ANO10: variants seen among roughly 807,000 people sequenced by gnomAD.
The protein encoded by ANO10 is anoctamin 10.
ANO10 carries 77 observed loss-of-function variants against 74.7 expected under a neutral mutation model. The observed-to-expected ratio is 1.03, with a 90% confidence interval of 0.86 to 1.25. ANO10 has a LOEUF of 1.25. Ranked by LOEUF, ANO10 falls within the 50% of genes most tolerant of loss-of-function variation. The pLI, the probability that ANO10 is intolerant of heterozygous loss-of-function variation, is 0.00. For synonymous variants in ANO10, 279 were observed against 284.9 expected (o/e 0.98, Z 0.21); for missense variants, 721 against 778.1 (o/e 0.93, Z 0.87).
At chr3:43,549,632 C>T in intron 11 of ANO10, 88 bp downstream of exon 11, 1 of 1,447,038 alleles carries the variant, frequency 6.9e-7, no homozygotes, top group Non-Finnish European at 9.7e-7. Flanking sequence ...GCTCAATTGT[C>T]AGTCATGGAC....
At chr3:43,659,514 G>A (rs546099657) in intron 1 of ANO10, among the ~76,000 whole-genome samples, 19 of 152,256 alleles carry the variant, frequency 1.2e-4, no homozygotes, top group Non-Finnish European at 1.6e-4. Context: ...AGGGGCACCC[G>A]CCATTGCTGA....
At chr3:43,407,622 G>A (rs1318670807) in intron 12 of ANO10, among the ~76,000 whole-genome samples, 1 of 152,178 alleles carries the variant, frequency 6.6e-6, no homozygotes, top group Non-Finnish European at 1.5e-5. Context: ...CCACAAGCTC[G>A]GTAACTAAGA....
chr3:43,633,678 T>C (rs1327817852), intron 1 of ANO10, among the ~76,000 whole-genome samples: 2 of 152,222 alleles, frequency 1.3e-5, no homozygotes, highest in African/African-American at 4.8e-5. Context: ...TTTTACCACA[T>C]GTATGAGCTA....
chr3:43,583,689 C>T (rs954946841), intron 4 of ANO10, among the ~76,000 whole-genome samples: 5 of 152,170 alleles, frequency 3.3e-5, no homozygotes, highest in Admixed American at 6.5e-5. Context: ...CACAGATGCC[C>T]GCAGGAAGTG....
chr3:43,484,806 G>A lies in ANO10; in HGVS notation c.1798-52079C>T, dbSNP rs529506259. The stretch of plus-strand genomic sequence containing the variant: ...GGCCAAGAGAGGGTCCATTCAGTTG[G>A]TGGGGGGACTTAGGATTTTATTTTT... On this transcript the variant is annotated intron_variant, in intron 11 of 12. Transcript: ENST00000292246. 1.8e-4 allele frequency among the ~76,000 whole-genome samples: 28 copies of A among 152,300 alleles called. No individual in the cohort carries two copies. In the South Asian group the frequency reaches 5.6e-3, roughly 30 times the overall value.
rs1310556861 is a variant in ANO10 at position 43,643,678 on chromosome 3, C to CTTTTTTTTTTTTTTTTTTTT, written c.-11-37816_-11-37815insAAAAAAAAAAAAAAAAAAAA. Among the ~76,000 whole-genome samples the CTTTTTTTTTTTTTTTTTTTT allele has an allele frequency of 1.1e-4, 15 of 133,624 alleles. 2 individuals carry two copies. The highest frequency in any genetic ancestry group is 4.4e-4 in the African/African-American group (14 of 32,126). The allele number at this position is 133,624 out of a possible 152,430, so 87.7% of individuals were successfully genotyped here. A position where few individuals can be genotyped will look rare whatever the true frequency, so the allele number is the denominator to read the frequency against. On this transcript the variant is annotated intron_variant, in intron 1 of 3. Transcript: ENST00000413397. ...AAGCTTTTCATGTACTTGTCCTCAT[C>CTTTTTTTTTTTTTTTTTTTT]TTTTCTTTTTTTTTTTTTTTTTTTA...
intron 11 of ANO10, among the ~76,000 whole-genome samples, chr3:43,547,866 G>A (rs1047884856): frequency 6.6e-5 from 10 of 152,206 alleles, no homozygotes; most frequent in Admixed American, 6.5e-4. Flanking sequence ...GGAATCTAGA[G>A]AAAGTGAGGG....
chr3:43,530,883 T>C (rs1297691527), intron 11 of ANO10, among the ~76,000 whole-genome samples: 1 of 152,164 alleles, frequency 6.6e-6, no homozygotes, highest in Non-Finnish European at 1.5e-5. Flanking sequence ...AATGTGTGTG[T>C]GTGTGTGTAT....
chr3:43,581,661 C>G (rs1559737040), intron 4 of ANO10, among the ~76,000 whole-genome samples: 2 of 152,114 alleles, frequency 1.3e-5, no homozygotes, highest in South Asian at 4.2e-4. Context: ...TGACTCACAC[C>G]CATAATTCCA....
At chr3:43,518,858 G>A (rs1234435898) in intron 11 of ANO10, among the ~76,000 whole-genome samples, 1 of 152,130 alleles carries the variant, frequency 6.6e-6, no homozygotes, top group African/African-American at 2.4e-5. Flanking sequence ...AGTGGGACAT[G>A]AAACTTCATC....
At chr3:43,388,974 CT>C (rs2092204308) in intron 12 of ANO10, among the ~76,000 whole-genome samples, 1 of 152,190 alleles carries the variant, frequency 6.6e-6, no homozygotes, top group African/African-American at 2.4e-5. Context: ...TCACACAAAC[CT>C]TTTCAGAAAC....
At position 43,669,694 on chromosome 3, in the gene ANO10, G is replaced by A. The variant is rs117229578; in HGVS notation, c.-12+21823C>T. ...TTCTAAGATCTTTATATTTTGGACC[G>A]GAAACCAGAAGTCTTTTTAGTTTTT... On this transcript the variant is annotated intron_variant, in intron 1 of 3. Coordinates refer to the ANO10 transcript ENST00000413397. Among the ~76,000 whole-genome samples, 92 of 151,960 alleles carry A rather than the reference G, an allele frequency of 6.1e-4. 1 individual carries two copies. Among genetic ancestry groups the A allele is most frequent in the East Asian group, 4.3e-3 (22 of 5,166 alleles).
intron 11 of ANO10, among the ~76,000 whole-genome samples, chr3:43,532,321 C>T (rs1448794686): frequency 1.3e-5 from 2 of 152,184 alleles, no homozygotes; most frequent in Non-Finnish European, 2.9e-5. Context: ...AAGCCATCAT[C>T]GCTGCCTTGC....
chr3:43,473,342 T>G (rs1007885837), intron 11 of ANO10, among the ~76,000 whole-genome samples: 2 of 152,118 alleles, frequency 1.3e-5, no homozygotes, highest in Non-Finnish European at 2.9e-5. Flanking sequence ...TCCTCCTGGA[T>G]GTCATAAGCC....
At chr3:43,679,147 C>T (rs563025445) in intron 1 of ANO10, among the ~76,000 whole-genome samples, 1 of 152,312 alleles carries the variant, frequency 6.6e-6, no homozygotes, top group Non-Finnish European at 1.5e-5. Flanking sequence ...CGAGGCATCG[C>T]CTCACCTGGG....
At chr3:43,392,065 T>G (rs977911) in intron 12 of ANO10, among the ~76,000 whole-genome samples, 137,010 of 152,084 alleles carry the variant, frequency 0.9, 62,203 homozygotes, top group Non-Finnish European at 0.96. Flanking sequence ...AGTAATAAAG[T>G]ATCACAGGGT....
At chr3:43,368,101 T>C (rs1469298629) in intron 12 of ANO10, among the ~76,000 whole-genome samples, 2 of 152,172 alleles carry the variant, frequency 1.3e-5, no homozygotes, top group Admixed American at 1.3e-4. Context: ...ACCATTCTCA[T>C]GTTTTCTGAG....
At chr3:43,586,242 A>G (rs1011638028) in intron 4 of ANO10, among the ~76,000 whole-genome samples, 6 of 152,088 alleles carry the variant, frequency 3.9e-5, no homozygotes, top group African/African-American at 1.4e-4. Context: ...CAAGTCTGCC[A>G]TGTTGGAAGA....
intron 1 of ANO10, among the ~76,000 whole-genome samples, chr3:43,679,143 A>G (rs961620732): frequency 6.6e-6 from 1 of 152,230 alleles, no homozygotes; most frequent in Non-Finnish European, 1.5e-5. Context: ...AGGGCGAGGC[A>G]TCGCCTCACC....
Sources: allele counts gnomAD v4.1 joint callset (sites outside exome capture counted in the v4.1 genomes callset), GRCh38; gene constraint gnomAD v4.1.1; transcripts MANE v1.5; gene names NCBI Gene and HGNC (gene_info 2026-07-23, HGNC 2026-07-21).